EXOSC1: variants seen among roughly 807,000 people sequenced by gnomAD.
EXOSC1 encodes the protein exosome complex component CSL4.
EXOSC1 carries 27 observed loss-of-function variants against 31.4 expected under a neutral mutation model. The ratio of observed to expected loss-of-function variants is 0.86; its 90% confidence interval spans 0.63 to 1.18. The LOEUF (loss-of-function observed/expected upper bound fraction) is 1.18. Ranked by LOEUF, EXOSC1 falls within the 50% of genes most tolerant of loss-of-function variation. EXOSC1 has a pLI of 0.00. For synonymous variants in EXOSC1, 84 were observed against 89.5 expected, an observed-to-expected ratio of 0.94 and a Z score of 0.35; for missense variants, 228 against 250.3, an observed-to-expected ratio of 0.91 and a Z score of 0.60.
chr10:97,445,714 G>A lies in EXOSC1; in HGVS notation c.147+18C>T. ...CTAAGGGAAAAACAGAGGGGAGATGGCATGCCGCTTCCTTTACCGCGCCAT... is the reference window on the plus strand; with the variant it reads ...CTAAGGGAAAAACAGAGGGGAGATGACATGCCGCTTCCTTTACCGCGCCAT... On this transcript the variant is annotated intron_variant, in intron 2 of 7. Coordinates refer to ENST00000370902, the MANE Select transcript of EXOSC1 (RefSeq NM_016046.5). The A allele has an allele frequency of 6.2e-7, 1 of 1,609,766 alleles. No homozygotes were observed.
chr10:97,437,308 G>A, intron 6 of EXOSC1, 33 bp from the exon 7 acceptor site: 2 of 1,555,932 alleles, frequency 1.3e-6, no homozygotes, highest in Non-Finnish European at 1.8e-6. Flanking sequence ...GGAAAATGAG[G>A]AGTTAGAAGT....
At chr10:97,437,323 C>A in intron 6 of EXOSC1, 48 bp from the exon 7 acceptor site, 1 of 1,462,266 alleles carries the variant, frequency 6.8e-7, no homozygotes, top group South Asian at 1.2e-5. Flanking sequence ...AGAAGTCTTC[C>A]CCCACCTTAG....
In EXOSC1 at chr10:97,437,358, T is replaced by G. The variant is rs1002642834; in HGVS notation, c.397-83A>C. On this transcript the variant is annotated intron_variant, in intron 6 of 7. Transcript: ENST00000370902. ...GCCACCTGAGTTGTTTTTCTACCTT[T>G]TTTTTTTTCTGAGATGGAGTCTTGC... 16 of 1,085,208 alleles carry G rather than the reference T, an allele frequency of 1.5e-5. No homozygotes were observed. The African/African-American group carries it at 2.5e-4, about 17-fold the overall frequency. The allele number at this position is 1,085,208 out of a possible 1,614,324, so 67.2% of individuals were successfully genotyped here.
At chr10:97,436,705 T>C (rs1034902269) in intron 7 of EXOSC1, among the ~76,000 whole-genome samples, 154 bp from the exon 8 acceptor site, 18 of 152,172 alleles carry the variant, frequency 1.2e-4, no homozygotes, top group African/African-American at 4.3e-4. Flanking sequence ...ACTTATGAAG[T>C]GAGTCCCGTT....
At chr10:97,438,860 T>C (rs1419887269) in intron 4 of EXOSC1, among the ~76,000 whole-genome samples, 157 bp from the exon 5 acceptor site, 1 of 151,062 alleles carries the variant, frequency 6.6e-6, no homozygotes, top group Non-Finnish European at 1.5e-5. Flanking sequence ...CAAGCAATTC[T>C]CGTGCCTCAG....
intron 2 of EXOSC1, chr10:97,444,170 A>C (rs1368528485): frequency 6.6e-6 from 1 of 152,214 alleles, no homozygotes; most frequent in Non-Finnish European, 1.5e-5. Context: ...AAATTTCCAC[A>C]AAAATGTTAC....
intron 2 of EXOSC1, chr10:97,444,071 G>C (rs527530203): frequency 6.6e-6 from 1 of 152,308 alleles, no homozygotes. Flanking sequence ...TGGGATTACA[G>C]GTGTGAGCCA....
intron 2 of EXOSC1, among the ~76,000 whole-genome samples, chr10:97,443,559 G>T (rs2133157203): frequency 6.6e-6 from 1 of 152,174 alleles, no homozygotes; most frequent in East Asian, 1.9e-4. Flanking sequence ...GTCTTGCTCT[G>T]TCGCCTAGAC....
In EXOSC1 at chr10:97,437,701, A is replaced by T. The variant is rs747168035; in HGVS notation, c.395T>A (p.Val132Glu). Residue 132 changes from valine to glutamate, a missense_variant and splice_region_variant, in exon 6 of 8, where the codon GTG becomes GAG. Transcript: ENST00000370902. ...FRPGDIVLAKVISLGDAQSNY... is the reference protein window; with the variant it reads ...FRPGDIVLAKEISLGDAQSNY... ...AAGTCTGCTGGGAATAAAGGATACCACTTTGGCCAAGACAATGTCACCTGG... is the reference window on the plus strand; with the variant it reads ...AAGTCTGCTGGGAATAAAGGATACCTCTTTGGCCAAGACAATGTCACCTGG... 6.2e-7 allele frequency: 1 copy of T among 1,612,950 alleles called. No individual in the cohort carries two copies.
At chr10:97,443,421 G>C (rs1845778134) in intron 2 of EXOSC1, 110 bp from the exon 3 acceptor site, 2 of 927,656 alleles carry the variant, frequency 2.2e-6, no homozygotes, top group African/African-American at 3.3e-5. Flanking sequence ...GAGAGTTGGA[G>C]TATGGATTCA....
In EXOSC1 at chr10:97,436,246, T is replaced by TGAAAAGATAA. The variant is rs1419433574; in HGVS notation, c.*189_*198dup. The TGAAAAGATAA allele has an allele frequency of 2.1e-6, 1 of 477,928 alleles. No individual in the cohort carries two copies. The highest frequency in any genetic ancestry group is 2.1e-5 in the African/African-American group (1 of 48,636). The allele number at this position is 477,928 out of a possible 1,614,324, so 29.6% of individuals were successfully genotyped here. A position where few individuals can be genotyped will look rare whatever the true frequency, so the allele number is the denominator to read the frequency against. On this transcript the variant is annotated 3_prime_UTR_variant, in exon 8 of 8. Coordinates refer to ENST00000370902, the MANE Select transcript of EXOSC1 (RefSeq NM_016046.5). ...ATCACAGTTTTGTTTGTTGGTGCCT[T>TGAAAAGATAA]GAAAAGATAAGATTTATTACTCAAG...
At chr10:97,437,415 A>AT in intron 6 of EXOSC1, 140 bp from the exon 7 acceptor site, 2 of 672,890 alleles carry the variant, frequency 3.0e-6, no homozygotes, top group East Asian at 2.7e-5. Flanking sequence ...CGGTGGCGTG[A>AT]TATCAGTTCA....
chr10:97,441,026 C>G, intron 4 of EXOSC1, 145 bp downstream of exon 4: 1 of 625,674 alleles, frequency 1.6e-6, no homozygotes, highest in Non-Finnish European at 2.8e-6. Context: ...TTGGATACTA[C>G]TAGGGGAGAA....
intron 3 of EXOSC1, among the ~76,000 whole-genome samples, chr10:97,442,932 C>T (rs764243108): frequency 2.6e-5 from 4 of 152,188 alleles, no homozygotes; most frequent in Non-Finnish European, 4.4e-5. Flanking sequence ...CACAGGTGAT[C>T]TGCCCACCTC....
chr10:97,436,980 C>T (rs1845557557), intron 7 of EXOSC1, among the ~76,000 whole-genome samples: 1 of 152,186 alleles, frequency 6.6e-6, no homozygotes, highest in African/African-American at 2.4e-5. Context: ...GGCACCACTG[C>T]ACTCCAGCCT....
intron 2 of EXOSC1, 159 bp downstream of exon 2, chr10:97,445,573 A>C: frequency 1.5e-6 from 1 of 651,262 alleles, no homozygotes. Flanking sequence ...TGTGGTGGCT[A>C]AGTGCACCAC....
At chr10:97,441,084 T>A in intron 4 of EXOSC1, 87 bp downstream of exon 4, 1 of 1,077,612 alleles carries the variant, frequency 9.3e-7, no homozygotes, top group Non-Finnish European at 1.4e-6. Context: ...AAATAGGAAT[T>A]GTAACTGTTG....
At chr10:97,445,258 G>A (rs1845895950) in intron 2 of EXOSC1, 1 of 159,366 alleles carries the variant, frequency 6.3e-6, no homozygotes, top group Non-Finnish European at 1.4e-5. Flanking sequence ...TCTGTAGCAG[G>A]AGAAAGCTTG....
chr10:97,440,774 C>T (rs1845689705), intron 4 of EXOSC1: 1 of 156,222 alleles, frequency 6.4e-6, no homozygotes, highest in Admixed American at 6.4e-5. Context: ...ACCTCAGCCT[C>T]CCAAAGTGAT....
Sources: allele counts gnomAD v4.1 joint callset (sites outside exome capture counted in the v4.1 genomes callset), GRCh38; gene constraint gnomAD v4.1.1; transcripts MANE v1.5; gene names NCBI Gene and HGNC (gene_info 2026-07-23, HGNC 2026-07-21).